RBFOX1: variants seen among roughly 807,000 people sequenced by gnomAD.
RBFOX1 encodes RNA binding fox-1 homolog 1, also known as RNA binding protein fox-1 homolog 1.
In RBFOX1, 8 loss-of-function variants were observed where a neutral mutation model predicts 57.7. That is an observed-to-expected ratio of 0.14 (90% CI 0.08 to 0.25). RBFOX1 has a LOEUF of 0.25. Ranked by LOEUF, RBFOX1 falls within the 10% of genes least tolerant of loss-of-function variation. RBFOX1 has a pLI of 1.00. For synonymous variants in RBFOX1, 326 were observed against 222.4 expected, an observed-to-expected ratio of 1.47 and a Z score of -4.15; for missense variants, 611 against 548.5, an observed-to-expected ratio of 1.11 and a Z score of -1.14.
intron 4 of RBFOX1, among the ~76,000 whole-genome samples, chr16:7,219,005 CA>C (rs1188525885): frequency 2.0e-5 from 3 of 152,044 alleles, no homozygotes; most frequent in African/African-American, 7.3e-5. Context: ...CTGGTGGTCA[CA>C]AGAGAAGAAG....
At chr16:7,400,758 A>T (rs1382480704) in intron 4 of RBFOX1, among the ~76,000 whole-genome samples, 1 of 152,194 alleles carries the variant, frequency 6.6e-6, no homozygotes, top group Non-Finnish European at 1.5e-5. Context: ...TAATCCAGTC[A>T]ATTAAAAATG....
intron 2 of RBFOX1, among the ~76,000 whole-genome samples, chr16:6,365,094 T>TAA (rs71145218): frequency 4.0e-5 from 6 of 151,730 alleles, no homozygotes; most frequent in South Asian, 2.1e-4. Flanking sequence ...GATTCACCCT[T>TAA]AAAAAAAAGG....
chr16:5,919,298 A>G (rs949366072), intron 4 of RBFOX1, among the ~76,000 whole-genome samples: 3 of 152,200 alleles, frequency 2.0e-5, no homozygotes, highest in Non-Finnish European at 4.4e-5. Flanking sequence ...TCACCCTACT[A>G]AAAGCCCAAA....
At chr16:6,956,502 C>G (rs922805529) in intron 3 of RBFOX1, among the ~76,000 whole-genome samples, 2 of 152,112 alleles carry the variant, frequency 1.3e-5, no homozygotes, top group African/African-American at 4.8e-5. Context: ...ATTTTAATTT[C>G]AGAGTAAACC....
chr16:7,256,355 C>G (rs62013962), intron 4 of RBFOX1, among the ~76,000 whole-genome samples: 23,048 of 152,148 alleles, frequency 0.15, 1,988 homozygotes, highest in Middle Eastern at 0.28. Context: ...ACCAGAAGTT[C>G]TGAGGTTTGG....
intron 3 of RBFOX1, among the ~76,000 whole-genome samples, chr16:6,909,707 T>C (rs1339176034): frequency 6.6e-6 from 1 of 152,192 alleles, no homozygotes; most frequent in Non-Finnish European, 1.5e-5. Flanking sequence ...ACATGCATGC[T>C]AAGTCGTGGC....
intron 4 of RBFOX1, among the ~76,000 whole-genome samples, chr16:5,878,011 G>C (rs2057660071): frequency 6.6e-6 from 1 of 152,204 alleles, no homozygotes; most frequent in Non-Finnish European, 1.5e-5. Flanking sequence ...ACTTGCTCTA[G>C]AACCAGTAAG....
In RBFOX1 at chr16:7,040,975, A is replaced by G. The variant is rs545279631; in HGVS notation, c.-15-11082A>G. On this transcript the variant is annotated intron_variant, in intron 3 of 15. Coordinates refer to ENST00000550418, the MANE Select transcript of RBFOX1 (RefSeq NM_018723.4). ...CTGTCCCCCAGGCTGGAGTGCAATG[A>G]TGCAATCTCTGCTCATTGCAACGTC... Among the ~76,000 whole-genome samples, 8 of 150,552 alleles carry G rather than the reference A, an allele frequency of 5.3e-5. 1 individual carries two copies. The East Asian group carries it at 1.6e-3, about 29-fold the overall frequency.
intron 1 of RBFOX1, among the ~76,000 whole-genome samples, chr16:5,345,873 A>G (rs1406976910): frequency 6.6e-6 from 1 of 152,104 alleles, no homozygotes; most frequent in East Asian, 1.9e-4. Context: ...TGGTGAGGAG[A>G]TATTTTAGGA....
At chr16:6,721,736 A>G (rs2066033046) in intron 3 of RBFOX1, 1 of 151,916 alleles carries the variant, frequency 6.6e-6, no homozygotes, top group African/African-American at 2.4e-5. Flanking sequence ...GTATTTGTTT[A>G]ATTAATTAAT....
At chr16:7,300,261 C>G (rs2096000690) in intron 4 of RBFOX1, among the ~76,000 whole-genome samples, 1 of 152,120 alleles carries the variant, frequency 6.6e-6, no homozygotes, top group South Asian at 2.1e-4. Context: ...TGTCAGGGAC[C>G]TTTGTTTGTC....
intron 3 of RBFOX1, among the ~76,000 whole-genome samples, chr16:5,825,274 G>A (rs1335676048): frequency 6.6e-6 from 1 of 152,232 alleles, no homozygotes; most frequent in Admixed American, 6.5e-5. Context: ...GCAGTACCAG[G>A]AACCCCAGGT....
In RBFOX1 at chr16:5,310,061, C is replaced by G. The variant is rs867323111; in HGVS notation, c.219+69956C>G. ...CCTATTTTTCTCTTAGGATTCAGCTCTAATGTTACCTCCTTCCCAGAATCT... is the reference window on the plus strand; with the variant it reads ...CCTATTTTTCTCTTAGGATTCAGCTGTAATGTTACCTCCTTCCCAGAATCT... On this transcript the variant is annotated intron_variant, in intron 1 of 2. Coordinates refer to the RBFOX1 transcript ENST00000585867. 6.6e-5 allele frequency among the ~76,000 whole-genome samples: 10 copies of G among 152,292 alleles called. No homozygotes were observed. In the South Asian group the frequency reaches 8.3e-4, roughly 13 times the overall value.
chr16:7,336,303 C>A (rs2096786141), intron 4 of RBFOX1, among the ~76,000 whole-genome samples: 1 of 152,198 alleles, frequency 6.6e-6, no homozygotes, highest in African/African-American at 2.4e-5. Flanking sequence ...CTCTGGGCTG[C>A]AAGTGTGGAC....
intron 1 of RBFOX1, among the ~76,000 whole-genome samples, chr16:6,142,365 G>T (rs1396239316): frequency 6.6e-6 from 1 of 151,564 alleles, no homozygotes; most frequent in Non-Finnish European, 1.5e-5. Flanking sequence ...GGGACTACAG[G>T]CGCCCGCCTC....
chr16:5,623,373 A>G (rs2048255309), intron 3 of RBFOX1, among the ~76,000 whole-genome samples: 1 of 152,156 alleles, frequency 6.6e-6, no homozygotes, highest in South Asian at 2.1e-4. Flanking sequence ...ACAGTCAGTG[A>G]TGTACTGCAC....
At chr16:6,718,812 G>A (rs1033366157) in intron 3 of RBFOX1, among the ~76,000 whole-genome samples, 2 of 152,050 alleles carry the variant, frequency 1.3e-5, no homozygotes, top group African/African-American at 4.8e-5. Flanking sequence ...TAAACACACT[G>A]GCAGAAGAGA....
chr16:7,173,053 T>C (rs569829031), intron 4 of RBFOX1, among the ~76,000 whole-genome samples: 1 of 152,158 alleles, frequency 6.6e-6, no homozygotes, highest in Admixed American at 6.5e-5. Flanking sequence ...AAGATATTAG[T>C]ACCCAACAAG....
chr16:6,311,777 G>A (rs888425697), intron 1 of RBFOX1, among the ~76,000 whole-genome samples: 1 of 152,148 alleles, frequency 6.6e-6, no homozygotes, highest in Non-Finnish European at 1.5e-5. Flanking sequence ...ATTCCCATGG[G>A]GAGGGCTTCT....
Sources: allele counts gnomAD v4.1 joint callset (sites outside exome capture counted in the v4.1 genomes callset), GRCh38; gene constraint gnomAD v4.1.1; transcripts MANE v1.5; gene names NCBI Gene and HGNC (gene_info 2026-07-23, HGNC 2026-07-21).